The following WDPCP variants were observed in gnomAD, a reference collection of about 807,000 sequenced individuals.
WDPCP encodes the protein WD repeat-containing and planar cell polarity effector protein fritz homolog.
A neutral mutation model predicts 93.1 loss-of-function variants in WDPCP; 71 were observed. That is an observed-to-expected ratio of 0.76 (90% CI 0.63 to 0.93). The LOEUF is 0.93. Among genes scored for constraint, WDPCP ranks in the 40% least tolerant of loss-of-function variants. The pLI, the probability that WDPCP is intolerant of heterozygous loss-of-function variation, is 0.00. For synonymous variants in WDPCP, 315 were observed against 315.0 expected (o/e 1.00, Z 0.00); for missense variants, 844 against 887.4 (o/e 0.95, Z 0.62).
intron 1 of WDPCP, among the ~76,000 whole-genome samples, chr2:63,565,448 A>C (rs1558815980): frequency 6.6e-6 from 1 of 152,190 alleles, no homozygotes; most frequent in Non-Finnish European, 1.5e-5. Context: ...AAATTAAAGA[A>C]ATATTTAAAC....
At chr2:63,248,193 A>C (rs1680440426) in intron 14 of WDPCP, among the ~76,000 whole-genome samples, 1 of 152,156 alleles carries the variant, frequency 6.6e-6, no homozygotes, top group Admixed American at 6.6e-5. Flanking sequence ...AATTATAATA[A>C]TACTGATTTT....
At chr2:63,838,597 T>TA in the WDPCP span, among the ~76,000 whole-genome samples, 8 of 151,842 alleles carry the variant, frequency 5.3e-5, no homozygotes, top group Non-Finnish European at 8.8e-5. Context: ...TCTGCAAAGG[T>TA]AAAATCTATA....
intron 17 of WDPCP, among the ~76,000 whole-genome samples, chr2:63,130,172 T>C (rs1670199197): frequency 6.6e-6 from 1 of 152,178 alleles, no homozygotes; most frequent in Non-Finnish European, 1.5e-5. Flanking sequence ...TTTGGTGTCT[T>C]ACCTGTGAAA....
intron 1 of WDPCP, among the ~76,000 whole-genome samples, chr2:63,536,047 G>A (rs1704252474): frequency 6.6e-6 from 1 of 152,162 alleles, no homozygotes; most frequent in African/African-American, 2.4e-5. Context: ...CAAAAACTGG[G>A]CGAAGGATAT....
chr2:63,658,944 A>G (rs1710197839), intron 2 of WDPCP, among the ~76,000 whole-genome samples: 1 of 152,256 alleles, frequency 6.6e-6, no homozygotes, highest in African/African-American at 2.4e-5. Context: ...AAACAAAAAC[A>G]AAACAAAAAA....
intron 9 of WDPCP, among the ~76,000 whole-genome samples, chr2:63,425,418 G>C (rs1380430151): frequency 6.6e-6 from 1 of 152,144 alleles, no homozygotes; most frequent in Non-Finnish European, 1.5e-5. Flanking sequence ...TCAGAATCTG[G>C]GTGGCAATGA....
At chr2:63,123,952 C>T (rs1669720451) in intron 17 of WDPCP, among the ~76,000 whole-genome samples, 2 of 149,438 alleles carry the variant, frequency 1.3e-5, no homozygotes, top group African/African-American at 4.9e-5. Flanking sequence ...TTTAATGTTC[C>T]TACATAGTCT....
intron 1 of WDPCP, among the ~76,000 whole-genome samples, chr2:63,507,703 T>C (rs372692708): frequency 6.6e-6 from 1 of 151,784 alleles, no homozygotes; most frequent in Non-Finnish European, 1.5e-5. Context: ...GTTAGAGGAA[T>C]TGCTAACTAG....
intron 1 of WDPCP, among the ~76,000 whole-genome samples, chr2:63,543,000 T>G (rs1476270348): frequency 6.6e-6 from 1 of 152,098 alleles, no homozygotes; most frequent in Non-Finnish European, 1.5e-5. Context: ...TATCAAATAT[T>G]CAAAAGAAAA....
chr2:63,207,646 A>T (rs1676444009), intron 14 of WDPCP, among the ~76,000 whole-genome samples: 1 of 152,184 alleles, frequency 6.6e-6, no homozygotes. Context: ...TCATTCATTT[A>T]TAAGAACTTG....
Position 63,121,965 on chromosome 2 carries a change from G to A in WDPCP, c.*41C>T, listed in dbSNP as rs1251106756. The A allele has an allele frequency of 1.9e-6, 3 of 1,612,220 alleles. No individual in the cohort carries two copies. The highest frequency in any genetic ancestry group is 2.5e-6 in the Non-Finnish European group (3 of 1,179,406). ...TTAAGTCTGTATCAGGCCATGAAAA[G>A]TTTAGATATGAAGAAGGCAGTTTTC... On this transcript the variant is annotated 3_prime_UTR_variant, in exon 18 of 18. Transcript: ENST00000272321.
chr2:63,565,394 T>A (rs887874047), intron 1 of WDPCP, among the ~76,000 whole-genome samples: 1 of 152,182 alleles, frequency 6.6e-6, no homozygotes, highest in Non-Finnish European at 1.5e-5. Flanking sequence ...GCTGGAGATA[T>A]ACACCTTGAA....
intron 2 of WDPCP, among the ~76,000 whole-genome samples, chr2:63,712,840 G>A (rs1054419133): frequency 6.6e-6 from 1 of 152,156 alleles, no homozygotes; most frequent in Non-Finnish European, 1.5e-5. Context: ...CTGCCTGCCT[G>A]TCCTCTTTTG....
At chr2:63,370,960 T>A (rs1691327769) in intron 12 of WDPCP, among the ~76,000 whole-genome samples, 1 of 152,170 alleles carries the variant, frequency 6.6e-6, no homozygotes, top group African/African-American at 2.4e-5. Flanking sequence ...TTGCAAGTTT[T>A]AAAAATTTCG....
intron 2 of WDPCP, among the ~76,000 whole-genome samples, chr2:63,772,514 C>G (rs1456234351): frequency 6.6e-6 from 1 of 152,048 alleles, no homozygotes; most frequent in African/African-American, 2.4e-5. Flanking sequence ...TCAATCTCTT[C>G]TATGACAGAT....
At chr2:63,513,661 T>C (rs1043687225) in intron 1 of WDPCP, among the ~76,000 whole-genome samples, 3 of 152,136 alleles carry the variant, frequency 2.0e-5, no homozygotes, top group African/African-American at 7.2e-5. Flanking sequence ...AAGACCCTCA[T>C]TCCACAGGGG....
intron 2 of WDPCP, among the ~76,000 whole-genome samples, chr2:63,778,183 T>C (rs1243338408): frequency 2.0e-5 from 3 of 151,316 alleles, no homozygotes; most frequent in Non-Finnish European, 4.4e-5. Flanking sequence ...TGGCTAGAGG[T>C]TGTCTCTCCC....
chr2:63,681,492 C>A (rs1400649138), intron 2 of WDPCP, among the ~76,000 whole-genome samples: 1 of 152,146 alleles, frequency 6.6e-6, no homozygotes, highest in African/African-American at 2.4e-5. Context: ...GGAAGGACTG[C>A]ATCTTTTGGT....
intron 1 of WDPCP, among the ~76,000 whole-genome samples, chr2:63,563,371 G>A (rs1706777153): frequency 6.6e-6 from 1 of 151,658 alleles, no homozygotes; most frequent in South Asian, 2.1e-4. Context: ...ACTGTAGTAT[G>A]GAAATGAAAA....
Sources: allele counts gnomAD v4.1 joint callset (sites outside exome capture counted in the v4.1 genomes callset), GRCh38; gene constraint gnomAD v4.1.1; transcripts MANE v1.5; gene names NCBI Gene and HGNC (gene_info 2026-07-23, HGNC 2026-07-21).